The following BLNK variants were observed in gnomAD, a reference collection of about 807,000 sequenced individuals.
BLNK encodes the protein B cell linker, also known as B-cell linker protein.
BLNK carries 29 observed loss-of-function variants against 73.5 expected under a neutral mutation model. That is an observed-to-expected ratio of 0.39 (90% CI 0.29 to 0.54). BLNK has a LOEUF of 0.54. Ranked by LOEUF, BLNK falls within the 20% of genes least tolerant of loss-of-function variation. The pLI, the probability that BLNK is intolerant of heterozygous loss-of-function variation, is 0.61. For missense variants in BLNK, 460 were observed against 562.8 expected, an observed-to-expected ratio of 0.82 and a Z score of 1.85; for synonymous variants, 176 against 200.8, an observed-to-expected ratio of 0.88 and a Z score of 1.04.
intron 6 of BLNK, among the ~76,000 whole-genome samples, chr10:96,217,640 T>C (rs1169244682): frequency 6.6e-6 from 1 of 152,174 alleles, no homozygotes; most frequent in Non-Finnish European, 1.5e-5. Context: ...CTTTGCCCAT[T>C]TTTAATTGGG....
intron 13 of BLNK, chr10:96,203,833 G>A (rs1253388683): frequency 1.1e-5 from 4 of 380,246 alleles, no homozygotes; most frequent in African/African-American, 2.1e-5. Flanking sequence ...ATATTAAATC[G>A]CTACTAAAAA....
Position 96,206,996 on chromosome 10 carries a change from A to G in BLNK, c.817+15T>C. 1.2e-6 allele frequency: 2 copies of G among 1,612,822 alleles called. No individual in the cohort carries two copies. The highest frequency in any genetic ancestry group is 1.7e-6 in the Non-Finnish European group (2 of 1,178,830). On this transcript the variant is annotated intron_variant, in intron 11 of 16. Transcript: ENST00000224337. Reference sequence around the variant, plus strand: ...TTTAGAGGACATGCTCATCCTTCAAAATAATAGATTTTACCTTCACAAACA... The same window carrying G: ...TTTAGAGGACATGCTCATCCTTCAAGATAATAGATTTTACCTTCACAAACA...
chr10:96,193,487 G>A (rs879949414), intron 16 of BLNK, among the ~76,000 whole-genome samples: 1 of 152,218 alleles, frequency 6.6e-6, no homozygotes, highest in Admixed American at 6.5e-5. Context: ...GGTGTTCGGG[G>A]ATTGAAGTGT....
intron 4 of BLNK, among the ~76,000 whole-genome samples, chr10:96,230,411 CT>C (rs1564834316): frequency 6.6e-6 from 1 of 152,156 alleles, no homozygotes; most frequent in Non-Finnish European, 1.5e-5. Flanking sequence ...TCGTTTAGGG[CT>C]CCTGGGCAGG....
At chr10:96,227,971 G>C (rs2134033551) in intron 4 of BLNK, among the ~76,000 whole-genome samples, 1 of 152,190 alleles carries the variant, frequency 6.6e-6, no homozygotes, top group Admixed American at 6.5e-5. Context: ...ATACGAAGAG[G>C]GTGAGGAGAC....
chr10:96,264,651 A>G (rs926440664), intron 1 of BLNK, among the ~76,000 whole-genome samples: 4 of 152,210 alleles, frequency 2.6e-5, no homozygotes, highest in Admixed American at 1.3e-4. Context: ...TTAATGAAAA[A>G]GATTGAACCC....
intron 3 of BLNK, among the ~76,000 whole-genome samples, chr10:96,234,132 C>A (rs1319387884): frequency 6.6e-6 from 1 of 152,214 alleles, no homozygotes; most frequent in Non-Finnish European, 1.5e-5. Flanking sequence ...TTGGCTCCTG[C>A]AGCTGAAATC....
intron 13 of BLNK, 101 bp from the exon 14 acceptor site, chr10:96,201,159 C>A: frequency 1.9e-5 from 20 of 1,067,652 alleles, no homozygotes; most frequent in Middle Eastern, 2.1e-4. Flanking sequence ...AGGGACACAT[C>A]CACCAAAAAA....
chr10:96,212,267 A>G (rs1554898813), intron 8 of BLNK, among the ~76,000 whole-genome samples: 1 of 152,172 alleles, frequency 6.6e-6, no homozygotes, highest in Non-Finnish European at 1.5e-5. Flanking sequence ...CTGGCCCATG[A>G]AACAATATTG....
At chr10:96,250,695 T>G (rs977842475) in intron 1 of BLNK, among the ~76,000 whole-genome samples, 1 of 152,228 alleles carries the variant, frequency 6.6e-6, no homozygotes, top group Non-Finnish European at 1.5e-5. Context: ...GTGATTTTGC[T>G]GTGGATGTAA....
At chr10:96,247,074 A>C (rs1423791592) in intron 1 of BLNK, 25 bp from the exon 2 acceptor site, 1 of 1,527,720 alleles carries the variant, frequency 6.5e-7, no homozygotes, top group Non-Finnish European at 9.0e-7. Context: ...ATTAAACATA[A>C]GATATTAATA....
At chr10:96,204,911 G>A (rs2083755568) in intron 11 of BLNK, 1 of 379,590 alleles carries the variant, frequency 2.6e-6, no homozygotes, top group South Asian at 2.2e-5. Context: ...AAGTGTGTGA[G>A]TATAGGTGGA....
intron 4 of BLNK, among the ~76,000 whole-genome samples, chr10:96,229,000 G>T (rs1399207578): frequency 1.3e-5 from 2 of 151,886 alleles, no homozygotes; most frequent in Admixed American, 1.3e-4. Context: ...GAGATATTTT[G>T]AAACAGGCAT....
At chr10:96,247,138 G>T in intron 1 of BLNK, 89 bp from the exon 2 acceptor site, 1 of 893,138 alleles carries the variant, frequency 1.1e-6, no homozygotes, top group Non-Finnish European at 1.7e-6. Context: ...ACAAAAAAGG[G>T]GAAAAAACTC....
chr10:96,203,564 A>T (rs1177980629), intron 13 of BLNK: 1 of 152,626 alleles, frequency 6.6e-6, no homozygotes, highest in South Asian at 2.1e-4. Context: ...TCCGATTCAT[A>T]TATTTTTAGG....
chr10:96,226,344 G>T (rs2134027727), intron 5 of BLNK, among the ~76,000 whole-genome samples: 1 of 152,306 alleles, frequency 6.6e-6, no homozygotes, highest in South Asian at 2.1e-4. Context: ...AAGCCCAGCT[G>T]GCCTTCACTT....
chr10:96,198,545 A>G (rs2083535501), intron 15 of BLNK, among the ~76,000 whole-genome samples: 1 of 152,244 alleles, frequency 6.6e-6, no homozygotes, highest in South Asian at 2.1e-4. Context: ...ATAGAAGGGC[A>G]AGAAAGTCAC....
At chr10:96,214,162 G>A (rs782542161) in intron 8 of BLNK, among the ~76,000 whole-genome samples, 48 of 152,138 alleles carry the variant, frequency 3.2e-4, no homozygotes, top group South Asian at 6.2e-4. Context: ...GTGCACACGC[G>A]CATATGTGTG....
At chr10:96,206,498 A>G (rs2133973723) in intron 11 of BLNK, among the ~76,000 whole-genome samples, 1 of 150,726 alleles carries the variant, frequency 6.6e-6, no homozygotes, top group South Asian at 2.1e-4. Context: ...GCAGTGAGCT[A>G]TAATTATGCA....
Sources: gnomAD v4.1 joint callset for allele counts (sites outside exome capture counted in the v4.1 genomes callset) on GRCh38, gnomAD v4.1.1 for gene constraint, MANE v1.5 for transcripts, NCBI Gene and HGNC (gene_info 2026-07-23, HGNC 2026-07-21) for gene names.